Variants in IMMP2L observed in about 807,000 individuals in gnomAD.
IMMP2L encodes inner mitochondrial membrane peptidase subunit 2.
Under a neutral mutation model 19.3 loss-of-function variants are expected in IMMP2L, and 18 were observed. That is an observed-to-expected ratio of 0.93 (90% CI 0.64 to 1.38). IMMP2L has a LOEUF of 1.38. Among genes scored for constraint, IMMP2L ranks in the 40% most tolerant of loss-of-function variants. The pLI, the probability that IMMP2L is intolerant of heterozygous loss-of-function variation, is 0.00. For synonymous variants in IMMP2L, 76 were observed against 73.0 expected (o/e 1.04, Z -0.21); for missense variants, 233 against 218.2 (o/e 1.07, Z -0.43).
At chr7:111,013,255 A>G (rs963837771) in intron 3 of IMMP2L, among the ~76,000 whole-genome samples, 1 of 152,192 alleles carries the variant, frequency 6.6e-6, no homozygotes, top group African/African-American at 2.4e-5. Flanking sequence ...ACCACTTAAG[A>G]GTTTTATGTA....
intron 3 of IMMP2L, among the ~76,000 whole-genome samples, chr7:111,284,669 G>T (rs1363059637): frequency 6.6e-6 from 1 of 152,120 alleles, no homozygotes; most frequent in Admixed American, 6.6e-5. Context: ...AATAAGAAAG[G>T]TTGCAGGCAC....
intron 4 of IMMP2L, among the ~76,000 whole-genome samples, chr7:110,931,395 C>T (rs1815468636): frequency 6.6e-6 from 1 of 152,096 alleles, no homozygotes; most frequent in African/African-American, 2.4e-5. Context: ...CTTTTTCCTG[C>T]CTAACTTGTT....
chr7:111,178,457 A>G (rs1586704934), intron 3 of IMMP2L, among the ~76,000 whole-genome samples: 2 of 152,104 alleles, frequency 1.3e-5, no homozygotes, highest in East Asian at 1.9e-4. Flanking sequence ...AGAAAACCAT[A>G]AAGTCTGCCC....
chr7:111,431,287 C>G (rs958434047), intron 3 of IMMP2L, among the ~76,000 whole-genome samples: 1 of 151,726 alleles, frequency 6.6e-6, no homozygotes, highest in African/African-American at 2.4e-5. Context: ...ACAATAATAC[C>G]CATCATTAAT....
chr7:110,967,430 A>C (rs6466367), intron 3 of IMMP2L, among the ~76,000 whole-genome samples: 151,910 of 152,090 alleles, frequency 1, 75,865 homozygotes, highest in Middle Eastern at 1. Flanking sequence ...CACATAAATA[A>C]CTTAACCCTA....
At chr7:111,412,215 G>A (rs1407046312) in intron 3 of IMMP2L, among the ~76,000 whole-genome samples, 1 of 151,698 alleles carries the variant, frequency 6.6e-6, no homozygotes, top group African/African-American at 2.4e-5. Context: ...AATAATAGCT[G>A]GAGATTTCAA....
intron 3 of IMMP2L, among the ~76,000 whole-genome samples, chr7:111,218,215 GT>G (rs1360931837): frequency 1.3e-5 from 2 of 151,932 alleles, no homozygotes; most frequent in Admixed American, 6.6e-5. Flanking sequence ...CTGTTCTGAA[GT>G]TTTCTTATGC....
chr7:110,962,525 A>T (rs1819062022), intron 4 of IMMP2L: 1 of 157,916 alleles, frequency 6.3e-6, no homozygotes, highest in Admixed American at 6.6e-5. Flanking sequence ...TCCTGCATTC[A>T]ATCAACTCCA....
chr7:111,180,354 C>A (rs1028856724), intron 3 of IMMP2L, among the ~76,000 whole-genome samples: 4 of 151,862 alleles, frequency 2.6e-5, no homozygotes, highest in Non-Finnish European at 5.9e-5. Context: ...TGTGTCTCAG[C>A]AAATAAGGAG....
intron 1 of IMMP2L, among the ~76,000 whole-genome samples, chr7:111,558,420 C>G (rs1357050342): frequency 6.6e-6 from 1 of 152,188 alleles, no homozygotes; most frequent in Non-Finnish European, 1.5e-5. Context: ...AATGAAACAA[C>G]TATTTACTGA....
intron 3 of IMMP2L, among the ~76,000 whole-genome samples, chr7:111,256,768 C>T (rs1003476321): frequency 6.6e-6 from 1 of 152,028 alleles, no homozygotes; most frequent in Non-Finnish European, 1.5e-5. Context: ...CCTGAACTGA[C>T]ACATTAAATT....
chr7:111,453,728 C>A (rs1839429713), intron 3 of IMMP2L, among the ~76,000 whole-genome samples: 1 of 152,138 alleles, frequency 6.6e-6, no homozygotes, highest in South Asian at 2.1e-4. Flanking sequence ...TCACCAATGT[C>A]TTGATCCAAC....
intron 5 of IMMP2L, among the ~76,000 whole-genome samples, chr7:110,734,517 A>T (rs934747067): frequency 1.3e-5 from 2 of 152,236 alleles, no homozygotes; most frequent in African/African-American, 4.8e-5. Flanking sequence ...TAATAAATTA[A>T]AGATGCAATT....
In IMMP2L at chr7:111,213,861, T is replaced by C. The variant is rs1586860030; in HGVS notation, c.240-250296A>G. Among the ~76,000 whole-genome samples the C allele has an allele frequency of 3.9e-5, 6 of 152,278 alleles. 2 individuals are homozygous for C. The highest frequency in any genetic ancestry group is 3.9e-4 in the Admixed American group (6 of 15,302). On this transcript the variant is annotated intron_variant, in intron 3 of 5. Coordinates refer to ENST00000405709, the MANE Select transcript of IMMP2L (RefSeq NM_032549.4). This position sits in a 1 kb window ranked among gnomAD's most constrained non-coding sequence, Gnocchi z 4.8. Reference sequence around the variant, plus strand: ...GGAGCTGTTCTGTTGCTCAATAAAGTTCCTCTTTGCCTTGTTCATGTGACA... The same window carrying C: ...GGAGCTGTTCTGTTGCTCAATAAAGCTCCTCTTTGCCTTGTTCATGTGACA...
intron 3 of IMMP2L, among the ~76,000 whole-genome samples, chr7:111,452,106 G>C (rs1839259609): frequency 6.6e-6 from 1 of 151,802 alleles, no homozygotes; most frequent in African/African-American, 2.4e-5. Context: ...TGTTTTTCTA[G>C]TAACAGTTAC....
intron 5 of IMMP2L, among the ~76,000 whole-genome samples, chr7:110,680,765 G>A (rs529456537): frequency 3.9e-5 from 6 of 152,258 alleles, no homozygotes; most frequent in Admixed American, 1.3e-4. Flanking sequence ...GCAGCTAGGC[G>A]GAAGCACCTG....
At chr7:111,560,673 A>G (rs1791936612) in intron 1 of IMMP2L, among the ~76,000 whole-genome samples, 1 of 152,156 alleles carries the variant, frequency 6.6e-6, no homozygotes, top group Admixed American at 6.6e-5. Flanking sequence ...AATCCACAAA[A>G]CTGGTGAAAG....
intron 3 of IMMP2L, among the ~76,000 whole-genome samples, chr7:111,086,613 C>T (rs1796365280): frequency 6.6e-6 from 1 of 152,182 alleles, no homozygotes. Flanking sequence ...TACTACTCAC[C>T]TTACATCATG....
intron 3 of IMMP2L, among the ~76,000 whole-genome samples, chr7:111,444,484 AG>A (rs1279693609): frequency 8.5e-5 from 13 of 152,180 alleles, no homozygotes; most frequent in Non-Finnish European, 5.9e-5. Flanking sequence ...GGGTACAAAT[AG>A]GACTAAATAA....
Sources: gnomAD v4.1 joint callset for allele counts (sites outside exome capture counted in the v4.1 genomes callset) on GRCh38, gnomAD v4.1.1 for gene constraint, Gnocchi (gnomAD v3.1) non-coding constraint, MANE v1.5 for transcripts, NCBI Gene and HGNC (gene_info 2026-07-23, HGNC 2026-07-21) for gene names.